Variants in KBTBD11 observed in about 807,000 individuals in gnomAD.
The protein encoded by KBTBD11 is kelch repeat and BTB domain containing 11.
For synonymous variants in KBTBD11, 747 were observed against 499.0 expected, an observed-to-expected ratio of 1.50 and a Z score of -6.63; for missense variants, 1,390 against 1,001.8, an observed-to-expected ratio of 1.39 and a Z score of -5.23.
Position 2,002,213 on chromosome 8 carries a change from ACGCGGCTGCCCGAGGGCGCGCCGG to A in KBTBD11, c.1027_1050del (p.Leu343_Arg350del), listed in dbSNP as rs1817402819. 4.0e-6 allele frequency: 5 copies of A among 1,260,226 alleles called. No individual in the cohort carries two copies. The highest frequency in any genetic ancestry group is 1.6e-5 in the African/African-American group (1 of 62,654). 78.1% of individuals were successfully genotyped at this position (1,260,226 alleles called of 1,614,324 possible). ...GGCGGCCGGAGAGTGGCGCGAGCTGACGCGGCTGCCCGAGGGCGCGCCGGCGCGGGGCTGCGGCCTGTGCGTCCT... is the reference window on the plus strand; with the variant it reads ...GGCGGCCGGAGAGTGGCGCGAGCTGACGCGGGGCTGCGGCCTGTGCGTCCT... On this transcript the variant is annotated inframe_deletion, in exon 2 of 2. Transcript: ENST00000320248. This position sits in a 1 kb window ranked among gnomAD's most constrained non-coding sequence, Gnocchi z 4.1.
Position 2,002,228 on chromosome 8 carries a change from G to T in KBTBD11, c.1036G>T (p.Gly346Cys). The T allele has an allele frequency of 7.9e-7, 1 of 1,268,962 alleles. No individual in the cohort carries two copies. The highest frequency in any genetic ancestry group is 9.9e-7 in the Non-Finnish European group (1 of 1,011,954). 78.6% of individuals were successfully genotyped at this position (1,268,962 alleles called of 1,614,324 possible). A position where few individuals can be genotyped will look rare whatever the true frequency, so the allele number is the denominator to read the frequency against. The change falls in exon 2 of 2, where the codon GGC (glycine) becomes TGC (cysteine). Residue 346 changes from glycine to cysteine, a missense_variant. By Grantham distance (159) the Gly-to-Cys change is radical (BLOSUM62 -3). Transcript: ENST00000320248. The surrounding 1 kb of genome is among the most constrained non-coding windows in gnomAD (Gnocchi z 4.1). Reference protein sequence around the residue: ...EWRELTRLPEGAPARGCGLCV... With the variant: ...EWRELTRLPECAPARGCGLCV... Reference sequence around the variant, plus strand: ...GCGCGAGCTGACGCGGCTGCCCGAGGGCGCGCCGGCGCGGGGCTGCGGCCT... The same window carrying T: ...GCGCGAGCTGACGCGGCTGCCCGAGTGCGCGCCGGCGCGGGGCTGCGGCCT...
chr8:2,001,898 T>A lies in KBTBD11; in HGVS notation c.706T>A (p.Cys236Ser). The change falls in exon 2 of 2, where the codon TGC becomes AGC. Residue 236 changes from cysteine to serine, a missense_variant. Cys to Ser is a moderately radical substitution (Grantham distance 112). Transcript: ENST00000320248. Reference sequence around the variant, plus strand: ...GGGGCCGCAGCTGAGCCTGGCCAACTGCTACGAGGTCCTGAGCGCGGCCAA... The same window carrying A: ...GGGGCCGCAGCTGAGCCTGGCCAACAGCTACGAGGTCCTGAGCGCGGCCAA... ...AVGPQLSLAN[C>S]YEVLSAAKRQ... is the part of the protein sequence containing the mutation. 4 of 1,421,376 alleles carry A rather than the reference T, an allele frequency of 2.8e-6. No homozygotes were observed. The highest frequency in any genetic ancestry group is 3.7e-6 in the Non-Finnish European group (4 of 1,079,624). The allele number at this position is 1,421,376 out of a possible 1,614,324, so 88.0% of individuals were successfully genotyped here.
chr8:1,986,799 A>G (rs910617991), intron 1 of KBTBD11, among the ~76,000 whole-genome samples: 5 of 152,134 alleles, frequency 3.3e-5, no homozygotes, highest in African/African-American at 1.2e-4. Flanking sequence ...ATATAAAGAA[A>G]CGCTCATGGA....
chr8:1,994,280 G>A (rs1027741143), intron 1 of KBTBD11, among the ~76,000 whole-genome samples: 9 of 151,388 alleles, frequency 5.9e-5, no homozygotes, highest in African/African-American at 1.5e-4. Context: ...TCCCAGTGCT[G>A]CCCCATCTCC....
intron 1 of KBTBD11, chr8:1,974,617 G>C (rs962310676): frequency 1.8e-5 from 18 of 984,802 alleles, no homozygotes. Context: ...CCGCCCCACC[G>C]CGCCGCGGCT....
chr8:1,999,860 A>C (rs182131108), intron 1 of KBTBD11, among the ~76,000 whole-genome samples: 1 of 152,364 alleles, frequency 6.6e-6, no homozygotes, highest in East Asian at 1.9e-4. Context: ...TAAATTAATA[A>C]AATCACACAA....
chr8:1,988,858 C>T (rs1816785055), intron 1 of KBTBD11, among the ~76,000 whole-genome samples: 1 of 149,858 alleles, frequency 6.7e-6, no homozygotes, highest in Admixed American at 6.6e-5. Context: ...ATGAATATTG[C>T]TAATTAATTA....
At chr8:1,977,082 GTT>G (rs35601452) in intron 1 of KBTBD11, among the ~76,000 whole-genome samples, 2,618 of 145,446 alleles carry the variant, frequency 0.018, 56 homozygotes, top group African/African-American at 0.051. Context: ...AACATTATGA[GTT>G]TTTTTTTTTT....
In KBTBD11 at chr8:2,001,647, G is replaced by A. The variant is rs1307782492; in HGVS notation, c.455G>A (p.Arg152His). Residue 152 changes from arginine (R) to histidine (H), a missense_variant, in exon 2 of 2, where the codon CGC becomes CAC. Arg to His is a conservative substitution (Grantham distance 29, BLOSUM62 0). Transcript: ENST00000320248. ...LVLEVSGRRL[R>H]AHKAVLAARS... ...CTGGAGGTGTCGGGGCGCCGGCTGC[G>A]CGCGCACAAGGCGGTGCTGGCGGCG... 3 of 1,478,528 alleles carry A rather than the reference G, an allele frequency of 2.0e-6. No homozygotes were observed. The highest frequency in any genetic ancestry group is 8.9e-7 in the Non-Finnish European group (1 of 1,120,202). The allele number at this position is 1,478,528 out of a possible 1,614,324, so 91.6% of individuals were successfully genotyped here. A position where few individuals can be genotyped will look rare whatever the true frequency, so the allele number is the denominator to read the frequency against.
chr8:1,988,387 G>C lies in KBTBD11; in HGVS notation c.-908-11898G>C, dbSNP rs1816771352. Among the ~76,000 whole-genome samples the C allele has an allele frequency of 2.0e-5, 3 of 152,160 alleles. No individual in the cohort carries two copies. In the East Asian group the frequency reaches 5.8e-4, roughly 29 times the overall value. ...TTCCTGTTTCTCCACATCCTCTCCA[G>C]CACCTGTTGTTTCCTGACTTTTTAA... On this transcript the variant is annotated intron_variant, in intron 1 of 1. Coordinates refer to ENST00000320248, the MANE Select transcript of KBTBD11 (RefSeq NM_014867.3).
chr8:1,988,846 G>A (rs1816784759), intron 1 of KBTBD11, among the ~76,000 whole-genome samples: 1 of 150,204 alleles, frequency 6.7e-6, no homozygotes, highest in Non-Finnish European at 1.5e-5. Context: ...ATGAGCAAAT[G>A]AATGAATATT....
intron 1 of KBTBD11, among the ~76,000 whole-genome samples, chr8:1,974,137 G>GGGGGGACC (rs1279750109): frequency 7.4e-6 from 1 of 134,976 alleles, no homozygotes; most frequent in African/African-American, 2.8e-5. Context: ...GCGGAGGGGA[G>GGGGGGACC]GGGAGGGGGG....
chr8:1,992,044 C>G (rs1043336211), intron 1 of KBTBD11, among the ~76,000 whole-genome samples: 1 of 152,082 alleles, frequency 6.6e-6, no homozygotes, highest in African/African-American at 2.4e-5. Context: ...GTCTAACTTT[C>G]AAACCCACCC....
At chr8:1,975,541 G>T (rs1410301738) in intron 1 of KBTBD11, among the ~76,000 whole-genome samples, 1 of 152,254 alleles carries the variant, frequency 6.6e-6, no homozygotes, top group Admixed American at 6.5e-5. Context: ...GAGCACAGGT[G>T]TGTAGCAGGC....
chr8:1,998,982 C>T (rs1817244655), intron 1 of KBTBD11, among the ~76,000 whole-genome samples: 1 of 152,320 alleles, frequency 6.6e-6, no homozygotes, highest in South Asian at 2.1e-4. Flanking sequence ...GCTGGGTGAA[C>T]ACAAGGGACC....
intron 1 of KBTBD11, among the ~76,000 whole-genome samples, chr8:1,994,060 A>C (rs902317260): frequency 1.3e-5 from 2 of 152,114 alleles, no homozygotes; most frequent in Non-Finnish European, 2.9e-5. Context: ...AGTTGGGAGC[A>C]GATTGCTCAA....
intron 1 of KBTBD11, 118 bp from the exon 2 acceptor site, chr8:2,000,167 A>G (rs1214232833): frequency 6.6e-6 from 1 of 152,178 alleles, no homozygotes; most frequent in Non-Finnish European, 1.5e-5. Flanking sequence ...ACCCCTTTAC[A>G]ACCAAAACTG....
chr8:1,986,698 G>A (rs1298172825), intron 1 of KBTBD11, among the ~76,000 whole-genome samples: 1 of 152,076 alleles, frequency 6.6e-6, no homozygotes, highest in Non-Finnish European at 1.5e-5. Flanking sequence ...TTTATTAGCA[G>A]GCCAGATTAC....
chr8:1,977,481 C>G (rs1816387446), intron 1 of KBTBD11, among the ~76,000 whole-genome samples: 1 of 152,060 alleles, frequency 6.6e-6, no homozygotes, highest in Non-Finnish European at 1.5e-5. Context: ...CACATCCTCT[C>G]TTTGAACAGG....
Sources: gnomAD v4.1 joint callset for allele counts (sites outside exome capture counted in the v4.1 genomes callset) on GRCh38, gnomAD v4.1.1 for gene constraint, Gnocchi (gnomAD v3.1) non-coding constraint, MANE v1.5 for transcripts, NCBI Gene and HGNC (gene_info 2026-07-23, HGNC 2026-07-21) for gene names.